Variants in UGT2B11 observed in about 807,000 individuals in gnomAD.
The protein encoded by UGT2B11 is UDP glucuronosyltransferase family 2 member B11, also known as UDP-glucuronosyltransferase 2B11.
Under a neutral mutation model 51.7 loss-of-function variants are expected in UGT2B11, and 49 were observed. The observed-to-expected ratio is 0.95, with a 90% CI of 0.75 to 1.20. The LOEUF (loss-of-function observed/expected upper bound fraction) is 1.20. UGT2B11 is among the 50% of genes most tolerant of loss of function. UGT2B11 has a pLI of 0.00. For missense variants in UGT2B11, 810 were observed against 622.1 expected, an observed-to-expected ratio of 1.30 and a Z score of -3.21; for synonymous variants, 273 against 209.0, an observed-to-expected ratio of 1.31 and a Z score of -2.64.
intron 2 of UGT2B11, among the ~76,000 whole-genome samples, chr4:69,209,458 C>T (rs1721978274): frequency 6.6e-6 from 1 of 151,522 alleles, no homozygotes; most frequent in Non-Finnish European, 1.5e-5. Context: ...TGCTTGGCTG[C>T]CATTGATTGA....
chr4:69,217,932 G>T (rs970475270), upstream of UGT2B11, among the ~76,000 whole-genome samples: 22 of 152,100 alleles, frequency 1.4e-4, no homozygotes, highest in African/African-American at 5.3e-4. Flanking sequence ...ATGAGTTCTT[G>T]TGAGCAAATT....
upstream of UGT2B11, among the ~76,000 whole-genome samples, chr4:69,218,065 G>A (rs989197799): frequency 5.9e-5 from 9 of 152,208 alleles, no homozygotes; most frequent in Admixed American, 1.3e-4. Flanking sequence ...AATCTTTGGA[G>A]CACTCAAACA....
upstream of UGT2B11, chr4:69,215,435 C>A (rs185735138): frequency 6.6e-6 from 1 of 151,866 alleles, no homozygotes; most frequent in Non-Finnish European, 1.5e-5. Flanking sequence ...TTTTAAAGGA[C>A]CATCCGTAGA....
chr4:69,216,730 G>T (rs554815665), upstream of UGT2B11: 2 of 151,932 alleles, frequency 1.3e-5, no homozygotes, highest in Admixed American at 1.3e-4. Flanking sequence ...GACAATAGAG[G>T]TTTTGGAAAG....
chr4:69,214,747 T>G lies in UGT2B11; in HGVS notation c.-25A>C. ...TCCTGGTGCAATGCGATCATTCTTT[T>G]CCAGTCACTGTTTCTTTCTCATACT... On this transcript the variant is annotated 5_prime_UTR_variant, in exon 1 of 6. Transcript: ENST00000446444. 1 of 1,602,918 alleles carries G rather than the reference T, an allele frequency of 6.2e-7. No homozygotes were observed. The highest frequency in any genetic ancestry group is 2.2e-5 in the East Asian group (1 of 44,750).
rs748035775 is a variant in UGT2B11 at position 69,214,079 on chromosome 4, A to T, written c.644T>A (p.Ile215Asn). Residue 215 changes from isoleucine to asparagine, a missense_variant, in exon 1 of 6, where the codon ATC (isoleucine) becomes AAC (asparagine). Transcript: ENST00000446444. ...CCAAAAGTCAAAATAAAGCACATAG[A>T]TCATATTTTTTACCCTCTCCATGAA... is the stretch of plus-strand genomic sequence containing the variant. ...MTFMERVKNM[I>N]YVLYFDFWFQ... 4.3e-6 allele frequency: 7 copies of T among 1,611,166 alleles called. No individual in the cohort carries two copies. Among genetic ancestry groups the T allele is most frequent in the East Asian group, 4.5e-5 (2 of 44,766 alleles).
At chr4:69,224,628 T>C in the UGT2B11 span, among the ~76,000 whole-genome samples, 2 of 152,088 alleles carry the variant, frequency 1.3e-5, no homozygotes, top group South Asian at 2.1e-4. Context: ...ATGCCTTTCC[T>C]GGAGATCCTC....
intron 3 of UGT2B11, among the ~76,000 whole-genome samples, chr4:69,206,507 A>T (rs1481699439): frequency 2.6e-5 from 4 of 151,636 alleles, no homozygotes; most frequent in African/African-American, 7.3e-5. Context: ...GAGGATCAGG[A>T]AAAATAATAA....
At chr4:69,218,135 C>T (rs183079991), upstream of UGT2B11, among the ~76,000 whole-genome samples, 140 of 152,280 alleles carry the variant, frequency 9.2e-4, 1 homozygote, top group African/African-American at 3.2e-3. Context: ...TTGCTTCCTA[C>T]TTTTTCACAG....
chr4:69,207,311 G>A (rs1387512096), intron 3 of UGT2B11, among the ~76,000 whole-genome samples: 2 of 151,566 alleles, frequency 1.3e-5, no homozygotes, highest in Non-Finnish European at 3.0e-5. Context: ...AATTTGCAGT[G>A]TTTAACTTTT....
rs1003568030 is a variant in UGT2B11, at chr4:69,200,382, G to A, written c.*58C>T. ...GCATAACAATCTTTTCTTTCTTGCT[G>A]GAATAAACTGAAGTTGTCCTATCTA... On this transcript the variant is annotated 3_prime_UTR_variant, in exon 6 of 6. Transcript: ENST00000446444. 15 of 1,358,778 alleles carry A rather than the reference G, an allele frequency of 1.1e-5. No homozygotes were observed. The African/African-American group carries it at 2.2e-4, about 20-fold the overall frequency. 84.2% of individuals were successfully genotyped at this position (1,358,778 alleles called of 1,614,324 possible).
Position 69,211,887 on chromosome 4 carries a change from C to A in UGT2B11, c.870+686G>T, listed in dbSNP as rs920628367. On this transcript the variant is annotated intron_variant, in intron 2 of 5. Coordinates refer to ENST00000446444, the MANE Select transcript of UGT2B11 (RefSeq NM_001073.3). ...ATACTCTTAAGAAATATTTCCACTACTAATATGTATCCGGCTCTAATTTAC... is the reference window on the plus strand; with the variant it reads ...ATACTCTTAAGAAATATTTCCACTAATAATATGTATCCGGCTCTAATTTAC... Among the ~76,000 whole-genome samples the A allele has an allele frequency of 3.3e-5, 5 of 151,612 alleles. No individual in the cohort carries two copies. In the South Asian group the frequency reaches 1.0e-3, roughly 31 times the overall value.
chr4:69,216,831 C>T (rs1449980229), upstream of UGT2B11: 2 of 152,002 alleles, frequency 1.3e-5, no homozygotes, highest in Non-Finnish European at 2.9e-5. Context: ...GTCTCCAGAA[C>T]AAGAGATAAT....
intron 5 of UGT2B11, among the ~76,000 whole-genome samples, chr4:69,202,146 G>A (rs1222639043): frequency 6.6e-6 from 1 of 151,722 alleles, no homozygotes; most frequent in Non-Finnish European, 1.5e-5. Flanking sequence ...TCCATTGATT[G>A]ATAAACCACA....
chr4:69,221,331 C>G, the UGT2B11 span, among the ~76,000 whole-genome samples: 1 of 152,178 alleles, frequency 6.6e-6, no homozygotes, highest in Non-Finnish European at 1.5e-5. Context: ...TTTTAAATTT[C>G]TAACAATATC....
Position 69,214,672 on chromosome 4 carries a change from G to C in UGT2B11, c.51C>G (p.Tyr17Ter). 1 of 1,612,978 alleles carries C rather than the reference G, an allele frequency of 6.2e-7. No homozygotes were observed. The highest frequency in any genetic ancestry group is 1.1e-5 in the South Asian group (1 of 91,050). Residue 17 changes from tyrosine to a stop codon, truncating the protein, a stop_gained, in exon 1 of 6, where the codon TAC (tyrosine) becomes TAG (stop). Transcript: ENST00000446444. LOFTEE classifies it high-confidence loss of function. ...SVLLLIHLSC[Y>*]FSSGSCGKVL... is the part of the protein sequence containing the mutation. ...CTTTTCCACAACTCCCAGAGCTAAA[G>C]TAACAACTGAGATGTATCAGCAGAA...
At chr4:69,219,836 G>A in the UGT2B11 span, among the ~76,000 whole-genome samples, 7 of 152,054 alleles carry the variant, frequency 4.6e-5, no homozygotes, top group African/African-American at 9.7e-5. Context: ...ATGAAATTTC[G>A]GTGAGGGAAC....
the UGT2B11 span, among the ~76,000 whole-genome samples, chr4:69,223,845 T>C: frequency 7.2e-5 from 11 of 152,126 alleles, no homozygotes; most frequent in Non-Finnish European, 1.6e-4. Flanking sequence ...ATACCAACTA[T>C]TGAATGGTTC....
chr4:69,224,218 G>A, the UGT2B11 span, among the ~76,000 whole-genome samples: 1 of 152,204 alleles, frequency 6.6e-6, no homozygotes, highest in East Asian at 1.9e-4. Context: ...AAGTCTGGCC[G>A]GCGGACATTA....
Sources: gnomAD v4.1 joint callset for allele counts (sites outside exome capture counted in the v4.1 genomes callset) on GRCh38, gnomAD v4.1.1 for gene constraint, MANE v1.5 for transcripts, NCBI Gene and HGNC (gene_info 2026-07-23, HGNC 2026-07-21) for gene names.